The following GREM2 variants were observed in gnomAD, a reference collection of about 807,000 sequenced individuals.
GREM2 encodes the protein gremlin 2, DAN family BMP antagonist.
GREM2 carries 11 observed loss-of-function variants against 14.2 expected under a neutral mutation model. That is an observed-to-expected ratio of 0.78 (90% confidence interval 0.49 to 1.28). The LOEUF (loss-of-function observed/expected upper bound fraction) is 1.28, where lower values mean the gene tolerates loss of function less well. Among genes scored for constraint, GREM2 ranks in the 50% most tolerant of loss-of-function variants. GREM2 has a pLI of 0.00. For synonymous variants in GREM2, 98 were observed against 97.6 expected (o/e 1.00, Z -0.02); for missense variants, 210 against 218.5 (o/e 0.96, Z 0.24).
chr1:240,517,660 G>A (rs149342244), intron 1 of GREM2, among the ~76,000 whole-genome samples: 388 of 152,276 alleles, frequency 2.5e-3, no homozygotes, highest in Middle Eastern at 0.01. Flanking sequence ...AACAGTTTAT[G>A]TTTCAAGCCA....
At chr1:240,547,479 G>C (rs571772871) in intron 1 of GREM2, among the ~76,000 whole-genome samples, 14 of 137,670 alleles carry the variant, frequency 1.0e-4, no homozygotes, top group African/African-American at 3.7e-4. Context: ...CAGCCTGGGC[G>C]ACAGAGTGAG....
intron 1 of GREM2, among the ~76,000 whole-genome samples, chr1:240,515,930 A>G (rs1209859038): frequency 1.3e-5 from 2 of 152,158 alleles, no homozygotes; most frequent in Non-Finnish European, 2.9e-5. Flanking sequence ...CTAAATTACT[A>G]GGTGATGATT....
At chr1:240,509,294 A>C (rs998946975) in intron 1 of GREM2, among the ~76,000 whole-genome samples, 2 of 151,666 alleles carry the variant, frequency 1.3e-5, no homozygotes, top group South Asian at 4.2e-4. Context: ...GCTCACTCCA[A>C]CTCAGGTGTA....
At chr1:240,524,585 C>A (rs2103307309) in intron 1 of GREM2, among the ~76,000 whole-genome samples, 1 of 152,244 alleles carries the variant, frequency 6.6e-6, no homozygotes, top group Non-Finnish European at 1.5e-5. Context: ...CACAGTACAC[C>A]AGTACAAATT....
At chr1:240,601,737 T>G (rs1328194255) in intron 1 of GREM2, among the ~76,000 whole-genome samples, 2 of 151,916 alleles carry the variant, frequency 1.3e-5, no homozygotes, top group African/African-American at 2.4e-5. Flanking sequence ...CGAAACCCCG[T>G]CTCTGCTAAA....
At chr1:240,606,475 C>A (rs1227734570) in intron 1 of GREM2, among the ~76,000 whole-genome samples, 1 of 152,156 alleles carries the variant, frequency 6.6e-6, no homozygotes. Flanking sequence ...TAATACCCAA[C>A]AAACACCACT....
intron 1 of GREM2, among the ~76,000 whole-genome samples, chr1:240,587,843 G>A (rs1403740660): frequency 5.3e-5 from 8 of 152,174 alleles, no homozygotes; most frequent in African/African-American, 1.9e-4. Flanking sequence ...AATCCACTGA[G>A]GTAGTATTAT....
At chr1:240,571,659 T>C (rs1679263678) in intron 1 of GREM2, among the ~76,000 whole-genome samples, 1 of 151,908 alleles carries the variant, frequency 6.6e-6, no homozygotes, top group African/African-American at 2.4e-5. Flanking sequence ...GATGGCACCA[T>C]TGCACTCCAG....
chr1:240,492,263 G>A lies in GREM2; in HGVS notation c.*706C>T, dbSNP rs889875695. On this transcript the variant is annotated 3_prime_UTR_variant, in exon 2 of 2. Coordinates refer to ENST00000318160, the MANE Select transcript of GREM2 (RefSeq NM_022469.4). ...TCTTTAGTCCACAAATAGGGGGCGG[G>A]GACAGTGAGGAAGAAGAGGCGGTGG... 3 of 446,376 alleles carry A rather than the reference G, an allele frequency of 6.7e-6. No individual in the cohort carries two copies. The highest frequency in any genetic ancestry group is 2.4e-5 in the Admixed American group (1 of 41,998). The allele number at this position is 446,376 out of a possible 1,614,324, so 27.7% of individuals were successfully genotyped here.
At chr1:240,567,496 GA>G (rs1457293298) in intron 1 of GREM2, among the ~76,000 whole-genome samples, 1 of 151,968 alleles carries the variant, frequency 6.6e-6, no homozygotes, top group Non-Finnish European at 1.5e-5. Context: ...TTACTCTTTG[GA>G]AAAAATTACA....
intron 1 of GREM2, among the ~76,000 whole-genome samples, chr1:240,599,790 G>C (rs931323424): frequency 3.9e-5 from 6 of 152,196 alleles, no homozygotes; most frequent in African/African-American, 1.4e-4. Context: ...ACCAGCTGAA[G>C]GCATCACTGG....
chr1:240,522,950 A>G (rs1258005881), intron 1 of GREM2, among the ~76,000 whole-genome samples: 2 of 152,246 alleles, frequency 1.3e-5, no homozygotes, highest in Admixed American at 1.3e-4. Flanking sequence ...GACTTTAACC[A>G]TGAAAAAAGA....
chr1:240,592,637 G>T (rs1054680031), intron 1 of GREM2, among the ~76,000 whole-genome samples: 3 of 152,158 alleles, frequency 2.0e-5, no homozygotes, highest in Non-Finnish European at 4.4e-5. Flanking sequence ...GTATTTATGT[G>T]CCTCAAGAAT....
intron 1 of GREM2, among the ~76,000 whole-genome samples, chr1:240,573,186 G>A (rs1679292396): frequency 6.6e-6 from 1 of 152,102 alleles, no homozygotes; most frequent in Non-Finnish European, 1.5e-5. Context: ...AACTGGGCCA[G>A]GTGCAGTAGC....
chr1:240,525,174 CACTT>C (rs1678193864), intron 1 of GREM2, among the ~76,000 whole-genome samples: 1 of 152,202 alleles, frequency 6.6e-6, no homozygotes. Flanking sequence ...CCCAATGACA[CACTT>C]ACTGCGCAAG....
At chr1:240,604,521 C>A (rs185552489) in intron 1 of GREM2, among the ~76,000 whole-genome samples, 1 of 152,248 alleles carries the variant, frequency 6.6e-6, no homozygotes, top group East Asian at 1.9e-4. Flanking sequence ...CTATTGGTGA[C>A]AAAGCTGTGA....
intron 1 of GREM2, among the ~76,000 whole-genome samples, chr1:240,508,967 A>G (rs1677738922): frequency 6.6e-6 from 1 of 152,234 alleles, no homozygotes; most frequent in South Asian, 2.1e-4. Flanking sequence ...AACTTCATTA[A>G]TTATATCCTC....
intron 1 of GREM2, among the ~76,000 whole-genome samples, chr1:240,577,239 C>T (rs1050585938): frequency 1.3e-5 from 2 of 151,760 alleles, no homozygotes; most frequent in East Asian, 1.9e-4. Context: ...GGAATTGAGT[C>T]GGCCATAAAA....
intron 1 of GREM2, among the ~76,000 whole-genome samples, chr1:240,569,775 C>T (rs192449626): frequency 6.6e-6 from 1 of 152,086 alleles, no homozygotes; most frequent in Non-Finnish European, 1.5e-5. Flanking sequence ...GTTTGCGACC[C>T]TGTGTTAGGA....
Sources: gnomAD v4.1 joint callset for allele counts (sites outside exome capture counted in the v4.1 genomes callset) on GRCh38, gnomAD v4.1.1 for gene constraint, MANE v1.5 for transcripts, NCBI Gene and HGNC (gene_info 2026-07-23, HGNC 2026-07-21) for gene names.